The following GGTA1 variants were observed in gnomAD, a reference collection of about 807,000 sequenced individuals.
The protein encoded by GGTA1 is inactive N-acetyllactosaminide alpha-1,3-galactosyltransferase.
In GGTA1, 5 loss-of-function variants were observed where a neutral mutation model predicts 2.6. The ratio of observed to expected loss-of-function variants is 1.92; its 90% CI spans 1.00 to 4.04. The LOEUF (loss-of-function observed/expected upper bound fraction) is 4.04. GGTA1 is among the 30% of genes most tolerant of loss of function. The probability of loss-of-function intolerance (pLI) is 0.00; values close to 1 mark genes in which losing one functional copy is unlikely to be tolerated. For missense variants in GGTA1, 50 were observed against 16.7 expected, an observed-to-expected ratio of 2.99 and a Z score of -3.47; for synonymous variants, 17 against 5.0, an observed-to-expected ratio of 3.38 and a Z score of -3.19.
chr9:121,484,749 A>G (rs1249266503), intron 1 of GGTA1, among the ~76,000 whole-genome samples: 1 of 152,236 alleles, frequency 6.6e-6, no homozygotes, highest in Non-Finnish European at 1.5e-5. Context: ...AACTAAGTTC[A>G]AGGATGCCAA....
At chr9:121,493,898 A>G (rs1046231812) in intron 1 of GGTA1, among the ~76,000 whole-genome samples, 3 of 151,940 alleles carry the variant, frequency 2.0e-5, no homozygotes, top group Admixed American at 2.0e-4. Flanking sequence ...CTGAGATTAC[A>G]GGCACGCACA....
intron 1 of GGTA1, among the ~76,000 whole-genome samples, chr9:121,499,110 C>A (rs1324354837): frequency 6.6e-6 from 1 of 152,050 alleles, no homozygotes; most frequent in Non-Finnish European, 1.5e-5. Flanking sequence ...CTGACTGAGT[C>A]CTCGGCTCTC....
downstream of GGTA1, among the ~76,000 whole-genome samples, chr9:121,450,356 G>T (rs914838898): frequency 6.6e-6 from 1 of 152,138 alleles, no homozygotes; most frequent in Admixed American, 6.5e-5. Flanking sequence ...TTTAGTACAG[G>T]AGAGATTCAT....
intron 1 of GGTA1, among the ~76,000 whole-genome samples, chr9:121,489,544 C>G (rs1828831528): frequency 6.6e-6 from 1 of 152,174 alleles, no homozygotes; most frequent in African/African-American, 2.4e-5. Context: ...GTGGAAAATA[C>G]TATACATCAA....
intron 5 of GGTA1, among the ~76,000 whole-genome samples, chr9:121,457,719 G>A (rs2064924864): frequency 1.7e-5 from 2 of 120,936 alleles, no homozygotes; most frequent in East Asian, 2.5e-4. Flanking sequence ...AAAAAAAACA[G>A]TATATAAAGA....
At chr9:121,487,410 T>C (rs367787141) in intron 1 of GGTA1, among the ~76,000 whole-genome samples, 21 of 151,598 alleles carry the variant, frequency 1.4e-4, no homozygotes, top group African/African-American at 5.1e-4. Context: ...ACCTTGTCTT[T>C]ACTAAAAATA....
exon 8 of GGTA1, chr9:121,446,270 T>A (rs915206477): frequency 6.6e-6 from 1 of 152,372 alleles, no homozygotes; most frequent in Non-Finnish European, 1.5e-5. Context: ...TGTTTTGACT[T>A]CATGCTGGGC....
chr9:121,496,138 A>G (rs899698479), intron 1 of GGTA1, among the ~76,000 whole-genome samples: 2 of 152,212 alleles, frequency 1.3e-5, no homozygotes, highest in Non-Finnish European at 2.9e-5. Context: ...TTTCATCACA[A>G]TCTGCACTTA....
At chr9:121,479,526 C>A (rs1162184852) in intron 1 of GGTA1, among the ~76,000 whole-genome samples, 3 of 152,146 alleles carry the variant, frequency 2.0e-5, no homozygotes, top group African/African-American at 7.2e-5. Context: ...CAAGCAAAAC[C>A]ATGGTCCAAA....
intron 1 of GGTA1, chr9:121,494,451 G>A (rs1311933457): frequency 6.6e-6 from 1 of 152,252 alleles, no homozygotes; most frequent in Admixed American, 6.5e-5. Context: ...TTTGGCTGGA[G>A]ATTTAGACAG....
chr9:121,493,650 A>G (rs1317633523), intron 1 of GGTA1, among the ~76,000 whole-genome samples: 1 of 137,768 alleles, frequency 7.3e-6, no homozygotes, highest in African/African-American at 2.5e-5. Context: ...GCTGTCTTCC[A>G]GGATCCATTT....
intron 2 of GGTA1, among the ~76,000 whole-genome samples, chr9:121,466,996 TA>T (rs1564653261): frequency 6.6e-6 from 1 of 151,764 alleles, no homozygotes; most frequent in Non-Finnish European, 1.5e-5. Flanking sequence ...ATTCGAATGT[TA>T]ATCCAGGCTA....
intron 1 of GGTA1, among the ~76,000 whole-genome samples, chr9:121,497,333 C>A (rs990702491): frequency 1.3e-5 from 2 of 152,156 alleles, no homozygotes; most frequent in African/African-American, 4.8e-5. Flanking sequence ...GAAAGCTGCC[C>A]CCTCCTTCGG....
intron 2 of GGTA1, among the ~76,000 whole-genome samples, chr9:121,466,062 C>G (rs1320431973): frequency 6.6e-6 from 1 of 152,180 alleles, no homozygotes; most frequent in South Asian, 2.1e-4. Context: ...ACTACAGGTG[C>G]GCACCACCAT....
chr9:121,450,219 A>G (rs997569998), downstream of GGTA1, among the ~76,000 whole-genome samples: 1 of 152,274 alleles, frequency 6.6e-6, no homozygotes, highest in African/African-American at 2.4e-5. Context: ...AGGAATATAA[A>G]AAGGGACTTC....
rs58602847 is a variant in GGTA1, at chr9:121,480,061, C to CTTTTCTTTTCTTTTCTTTTT, written c.-9-12131_-9-12130insAAAAAGAAAAGAAAAGAAAA. On this transcript the variant is annotated intron_variant, in intron 1 of 5. Transcript: ENST00000481799. Reference sequence around the variant, plus strand: ...TTTCTTTCTTTTTTTCTTTTCTTTTCTTTTTTTTTTTTGAGATGGAGTCTC... The same window carrying CTTTTCTTTTCTTTTCTTTTT: ...TTTCTTTCTTTTTTTCTTTTCTTTTCTTTTCTTTTCTTTTCTTTTTTTTTTTTTTTTTGAGATGGAGTCTC... Among the ~76,000 whole-genome samples the CTTTTCTTTTCTTTTCTTTTT allele has an allele frequency of 2.7e-3, 381 of 139,828 alleles. 1 individual carries two copies. Among genetic ancestry groups the CTTTTCTTTTCTTTTCTTTTT allele is most frequent in the Non-Finnish European group, 3.4e-3 (222 of 64,588 alleles). 91.7% of individuals were successfully genotyped at this position (139,828 alleles called of 152,430 possible). A position where few individuals can be genotyped will look rare whatever the true frequency, so the allele number is the denominator to read the frequency against.
chr9:121,452,544 G>T (rs117457985), downstream of GGTA1, among the ~76,000 whole-genome samples: 3 of 151,364 alleles, frequency 2.0e-5, no homozygotes, highest in African/African-American at 7.3e-5. Context: ...TTTTAAGACA[G>T]ATCTCGCTCT....
At chr9:121,451,535 G>A (rs2064878403), downstream of GGTA1, among the ~76,000 whole-genome samples, 1 of 152,184 alleles carries the variant, frequency 6.6e-6, no homozygotes, top group Non-Finnish European at 1.5e-5. Flanking sequence ...TGCGTCATAT[G>A]TTCTGAACAA....
At chr9:121,456,095 A>C (rs1463668247) in intron 5 of GGTA1, among the ~76,000 whole-genome samples, 1 of 152,154 alleles carries the variant, frequency 6.6e-6, no homozygotes, top group Non-Finnish European at 1.5e-5. Flanking sequence ...AAAACCCCCC[A>C]AAAAAGAAGT....
Sources: allele counts gnomAD v4.1 joint callset (sites outside exome capture counted in the v4.1 genomes callset), GRCh38; gene constraint gnomAD v4.1.1; transcripts MANE v1.5; gene names NCBI Gene and HGNC (gene_info 2026-07-23, HGNC 2026-07-21).